PMEPA1: variants seen among roughly 807,000 people sequenced by gnomAD.
PMEPA1 encodes the protein protein TMEPAI.
A neutral mutation model predicts 23.0 loss-of-function variants in PMEPA1; 11 were observed. The ratio of observed to expected loss-of-function variants is 0.48; its 90% CI spans 0.30 to 0.79. PMEPA1 has a LOEUF of 0.79. Ranked by LOEUF, PMEPA1 falls within the 30% of genes least tolerant of loss-of-function variation. The pLI is 0.06. For synonymous variants in PMEPA1, 204 were observed against 166.4 expected (o/e 1.23, Z -1.74); for missense variants, 377 against 390.9 (o/e 0.96, Z 0.30).
Position 57,682,676 on chromosome 20 carries a change from C to T in PMEPA1, c.110-22979G>A, listed in dbSNP as rs2071736146. 6.6e-6 allele frequency among the ~76,000 whole-genome samples: 1 copy of T among 152,058 alleles called. No homozygotes were observed. The highest frequency in any genetic ancestry group is 2.1e-4 in the South Asian group (1 of 4,824). On this transcript the variant is annotated intron_variant, in intron 1 of 3. Transcript: ENST00000341744. This position sits in a 1 kb window ranked among gnomAD's most constrained non-coding sequence, Gnocchi z 4.4. ...TTTGATTTAAAAAAAATCCCTGAAA[C>T]AGCACCCACTCCCTGTCAAGTCTGT...
At chr20:57,660,404 C>T (rs757874857) in intron 1 of PMEPA1, among the ~76,000 whole-genome samples, 1 of 151,440 alleles carries the variant, frequency 6.6e-6, no homozygotes, top group Non-Finnish European at 1.5e-5. Context: ...AACACCAACA[C>T]ACACCCAACA....
rs989427520 is a variant in PMEPA1 at position 57,653,181 on chromosome 20, G to C, written c.265-95C>G. On this transcript the variant is annotated intron_variant, in intron 2 of 3. Transcript: ENST00000341744. ...ATTCGACTCTTAGGCCTTTACCCTG[G>C]AATCAGCTCTTGAACCCGCCCACCT... The C allele has an allele frequency of 8.6e-6, 9 of 1,042,854 alleles. No homozygotes were observed. In the Admixed American group the frequency reaches 1.6e-4, roughly 18 times the overall value. The allele number at this position is 1,042,854 out of a possible 1,614,324, so 64.6% of individuals were successfully genotyped here.
At chr20:57,701,880 C>A (rs1290015669) in intron 1 of PMEPA1, among the ~76,000 whole-genome samples, 5 of 152,184 alleles carry the variant, frequency 3.3e-5, no homozygotes, top group Admixed American at 3.3e-4. Context: ...GGGACACAAC[C>A]AACAACAACC....
At chr20:57,671,323 T>C (rs1432205887) in intron 1 of PMEPA1, among the ~76,000 whole-genome samples, 1 of 152,086 alleles carries the variant, frequency 6.6e-6, no homozygotes, top group Non-Finnish European at 1.5e-5. Context: ...ATGTGTTTGT[T>C]AATTGAGGAG....
Position 57,652,528 on chromosome 20 carries a change from A to G in PMEPA1, c.389T>C (p.Phe130Ser), listed in dbSNP as rs1224762894. 3.8e-6 allele frequency: 6 copies of G among 1,565,884 alleles called. No individual in the cohort carries two copies. The highest frequency in any genetic ancestry group is 5.2e-6 in the Non-Finnish European group (6 of 1,154,256). ...AVPPFAQRERFHRFQPTYPYL... is the reference protein window; with the variant it reads ...AVPPFAQRERSHRFQPTYPYL... ...CGGATAGGTGGGCTGGAAGCGGTGG[A>G]AGCGCTCCCGCTGGGCGAAGGGCGG... Residue 130 changes from phenylalanine to serine, a missense_variant, in exon 4 of 4, where the codon TTC (phenylalanine) becomes TCC (serine). By Grantham distance (155) the Phe-to-Ser change is radical. This residue lies in a region of PMEPA1 where 198 missense variants were observed against 196.3 expected (regional missense o/e 1.01). Coordinates refer to ENST00000341744, the MANE Select transcript of PMEPA1 (RefSeq NM_020182.5). The surrounding 1 kb of genome is among the most constrained non-coding windows in gnomAD (Gnocchi z 6.1).
intron 2 of PMEPA1, among the ~76,000 whole-genome samples, chr20:57,658,030 A>C (rs2146643295): frequency 6.6e-6 from 1 of 152,312 alleles, no homozygotes; most frequent in South Asian, 2.1e-4. Context: ...AGCCATTAAG[A>C]GATTAACTCT....
rs769039784 is a variant in PMEPA1 at position 57,659,626 on chromosome 20, G to A, written c.181C>T (p.Leu61=). The change falls in exon 2 of 4, where the codon CTG becomes TTG. Residue 61 remains leucine (L), a synonymous_variant. Coordinates refer to ENST00000341744, the MANE Select transcript of PMEPA1 (RefSeq NM_020182.5). The part of the protein sequence containing the change: ...MMVMVVVITC[L]LSHYKLSARS... ...GCAGACAGCTTGTAGTGGCTCAGCA[G>A]GCACGTGATCACCACCACCATCACC... The A allele has an allele frequency of 7.4e-6, 12 of 1,612,510 alleles. No individual in the cohort carries two copies. The African/African-American group carries it at 1.5e-4, about 20-fold the overall frequency.
At chr20:57,681,343 T>G (rs1399513158) in intron 1 of PMEPA1, among the ~76,000 whole-genome samples, 1 of 152,204 alleles carries the variant, frequency 6.6e-6, no homozygotes, top group East Asian at 1.9e-4. Flanking sequence ...ACCCTCACCC[T>G]GCATGGGCCT....
chr20:57,652,476 T>C lies in PMEPA1; in HGVS notation c.441A>G (p.Pro147=), dbSNP rs6025699. 1,200,171 of 1,609,396 alleles carry C rather than the reference T, an allele frequency of 0.75. 451,711 individuals carry two copies. Among genetic ancestry groups the C allele is most frequent in the East Asian group, 0.86 (38,535 of 44,742 alleles). The stretch of plus-strand genomic sequence containing the variant: ...CCCCGTCTGACAGCGAGATGGTGGG[T>C]GGCAGGTCGATCTCGTGCTGCAGGT... ...YPYLQHEIDL[P]PTISLSDGEE... is the part of the protein sequence containing the mutation. Residue 147 remains proline (P), a synonymous_variant, in exon 4 of 4, where the codon CCA becomes CCG. Coordinates refer to ENST00000341744, the MANE Select transcript of PMEPA1 (RefSeq NM_020182.5). The surrounding 1 kb of genome is among the most constrained non-coding windows in gnomAD (Gnocchi z 6.1).
Position 57,652,339 on chromosome 20 carries a change from T to C in PMEPA1, c.578A>G (p.Asp193Gly). The change falls in exon 4 of 4, where the codon GAC (aspartate) becomes GGC (glycine). Residue 193 changes from aspartate to glycine, a missense_variant. Asp to Gly is a moderately conservative substitution (Grantham distance 94, BLOSUM62 -1). Around this residue, in one of 3 missense-constraint regions of PMEPA1, gnomAD observed 176 missense variants for 173.0 expected, o/e 1.02. Transcript: ENST00000341744. This position sits in a 1 kb window ranked among gnomAD's most constrained non-coding sequence, Gnocchi z 6.1. ...CCTGGCACTATCCATCAGGTCACTG[T>C]CGAAGATGGTTCTGTTTGGGGGTGC... ...VRAPPNRTIF[D>G]SDLMDSARLG... The C allele has an allele frequency of 6.2e-7, 1 of 1,612,802 alleles. No individual in the cohort carries two copies.
intron 1 of PMEPA1, among the ~76,000 whole-genome samples, chr20:57,678,161 CACAG>C (rs1256303276): frequency 2.0e-5 from 3 of 152,108 alleles, no homozygotes; most frequent in Non-Finnish European, 2.9e-5. Flanking sequence ...GAAACACACA[CACAG>C]ACACACACAC....
In PMEPA1 at chr20:57,682,440, G is replaced by GC. The variant is rs2071731991; in HGVS notation, c.110-22744dup. Among the ~76,000 whole-genome samples the GC allele has an allele frequency of 6.6e-6, 1 of 152,160 alleles. No individual in the cohort carries two copies. Among genetic ancestry groups the GC allele is most frequent in the South Asian group, 2.1e-4 (1 of 4,828 alleles). ...AGCACAAAGTCACTGGTAACTAGGG[G>GC]CCCAGGTTCTGGGTCTCCCTGGAGT... On this transcript the variant is annotated intron_variant, in intron 1 of 3. Coordinates refer to ENST00000341744, the MANE Select transcript of PMEPA1 (RefSeq NM_020182.5). This position sits in a 1 kb window ranked among gnomAD's most constrained non-coding sequence, Gnocchi z 4.4.
Position 57,709,466 on chromosome 20 carries a change from T to A in PMEPA1, c.109+8A>T. On this transcript the variant is annotated splice_region_variant and intron_variant, in intron 1 of 3. Transcript: ENST00000341744. The stretch of plus-strand genomic sequence containing the variant: ...AGTCTCCGGGGAGGGGGGCGTGGGG[T>A]CACTCACTGATCTCCATGCTCTGGA... 1 of 1,112,646 alleles carries A rather than the reference T, an allele frequency of 9.0e-7. No homozygotes were observed. Among genetic ancestry groups the A allele is most frequent in the East Asian group, 5.5e-5 (1 of 18,166 alleles). 68.9% of individuals were successfully genotyped at this position (1,112,646 alleles called of 1,614,324 possible). A position where few individuals can be genotyped will look rare whatever the true frequency, so the allele number is the denominator to read the frequency against.
At chr20:57,676,720 G>A (rs2071641765) in intron 1 of PMEPA1, among the ~76,000 whole-genome samples, 2 of 152,126 alleles carry the variant, frequency 1.3e-5, no homozygotes, top group African/African-American at 4.8e-5. Flanking sequence ...CTGGGAGCTG[G>A]ACCCCCCATG....
intron 1 of PMEPA1, among the ~76,000 whole-genome samples, chr20:57,675,950 A>T (rs572512494): frequency 6.6e-6 from 1 of 152,058 alleles, no homozygotes; most frequent in East Asian, 2.0e-4. Context: ...AGCCTCCCAG[A>T]CATCAGCCGC....
At chr20:57,679,442 T>C (rs2146678936) in intron 1 of PMEPA1, among the ~76,000 whole-genome samples, 1 of 152,328 alleles carries the variant, frequency 6.6e-6, no homozygotes, top group African/African-American at 2.4e-5. Flanking sequence ...TCAGGTATCA[T>C]TTTCCAGTGT....
intron 1 of PMEPA1, among the ~76,000 whole-genome samples, chr20:57,665,969 C>T (rs758863099): frequency 3.9e-5 from 6 of 152,352 alleles, no homozygotes; most frequent in African/African-American, 7.2e-5. Context: ...AGAAACATCT[C>T]GCTCTCATTT....
intron 1 of PMEPA1, among the ~76,000 whole-genome samples, chr20:57,698,416 G>A (rs545269358): frequency 6.6e-5 from 10 of 152,202 alleles, no homozygotes; most frequent in Middle Eastern, 3.4e-3. Flanking sequence ...CTGGCTCACC[G>A]TGATGGCATC....
chr20:57,673,268 C>T (rs905384543), intron 1 of PMEPA1, among the ~76,000 whole-genome samples: 8 of 150,176 alleles, frequency 5.3e-5, no homozygotes, highest in African/African-American at 1.7e-4. Context: ...CTGCGTCTAC[C>T]CCATTTCCAA....
Sources: allele counts gnomAD v4.1 joint callset (sites outside exome capture counted in the v4.1 genomes callset), GRCh38; gene constraint gnomAD v4.1.1; regional missense constraint gnomAD v4.1.1; non-coding constraint Gnocchi (gnomAD v3.1); transcripts MANE v1.5; gene names NCBI Gene and HGNC (gene_info 2026-07-23, HGNC 2026-07-21).